CHP1: variants seen among roughly 807,000 people sequenced by gnomAD.
CHP1 encodes calcineurin B homologous protein 1.
In CHP1, 11 loss-of-function variants were observed where a neutral mutation model predicts 27.4. That is an observed-to-expected ratio of 0.40 (90% CI 0.25 to 0.67). The LOEUF is 0.67. Among genes scored for constraint, CHP1 ranks in the 30% least tolerant of loss-of-function variants. The pLI, the probability that CHP1 is intolerant of heterozygous loss-of-function variation, is 0.38. For synonymous variants in CHP1, 89 were observed against 87.4 expected (o/e 1.02, Z -0.10); for missense variants, 169 against 251.3 (o/e 0.67, Z 2.22).
chr15:41,263,466 T>G (rs576042228), intron 4 of CHP1, among the ~76,000 whole-genome samples: 6 of 152,326 alleles, frequency 3.9e-5, no homozygotes, highest in African/African-American at 1.4e-4. Context: ...TTGCCTTCCC[T>G]TCTGCCCTTA....
At chr15:41,253,075 ACT>A (rs2047378748) in intron 2 of CHP1, among the ~76,000 whole-genome samples, 1 of 151,360 alleles carries the variant, frequency 6.6e-6, no homozygotes, top group African/African-American at 2.4e-5. Context: ...AGTAGCTGGG[ACT>A]ACAGGCTCGC....
intron 5 of CHP1, among the ~76,000 whole-genome samples, chr15:41,273,508 T>C (rs2047501877): frequency 6.6e-6 from 1 of 151,916 alleles, no homozygotes; most frequent in Non-Finnish European, 1.5e-5. Context: ...CAGCCTCCAG[T>C]GTAGCTGGGA....
intron 4 of CHP1, among the ~76,000 whole-genome samples, chr15:41,267,564 A>G (rs371669283): frequency 6.6e-6 from 1 of 151,846 alleles, no homozygotes; most frequent in Non-Finnish European, 1.5e-5. Context: ...CAGGAGGCTG[A>G]GACAGGAAAA....
At chr15:41,235,812 C>T (rs2047273922) in intron 1 of CHP1, among the ~76,000 whole-genome samples, 1 of 152,168 alleles carries the variant, frequency 6.6e-6, no homozygotes, top group South Asian at 2.1e-4. Context: ...CTTCAGGTTT[C>T]TCGTGCCTCC....
chr15:41,231,359 C>A lies in CHP1; in HGVS notation c.-24C>A. On this transcript the variant is annotated 5_prime_UTR_variant, in exon 1 of 7. Transcript: ENST00000334660. ...CGCCGTCTCTTCTGGCGCCGCTGCT[C>A]CCGGAGGAGCTCCCGGCACGGCGAT... The A allele has an allele frequency of 6.3e-7, 1 of 1,586,440 alleles. No homozygotes were observed. Among genetic ancestry groups the A allele is most frequent in the Non-Finnish European group, 8.6e-7 (1 of 1,167,556 alleles).
chr15:41,264,278 AGAGTGC>A (rs2047449559), intron 4 of CHP1: 1 of 1,129,740 alleles, frequency 8.9e-7, no homozygotes, highest in South Asian at 1.4e-5. Flanking sequence ...TCAGGTCAGG[AGAGTGC>A]GAGTGCCGAG....
In CHP1 at chr15:41,236,222, A is replaced by T. The variant is rs772462233; in HGVS notation, c.67+4773A>T. Among the ~76,000 whole-genome samples, 9 of 151,308 alleles carry T rather than the reference A, an allele frequency of 5.9e-5. 1 individual carries two copies. The highest frequency in any genetic ancestry group is 1.2e-4 in the Non-Finnish European group (8 of 67,852). On this transcript the variant is annotated intron_variant, in intron 1 of 6. Coordinates refer to ENST00000334660, the MANE Select transcript of CHP1 (RefSeq NM_007236.5). ...GACTTTCAAAGTACTGGGATTATAG[A>T]TGTGAGCCACTGTGCCTGGCAACTA...
intron 2 of CHP1, among the ~76,000 whole-genome samples, chr15:41,253,876 C>A (rs562007824): frequency 1.4e-4 from 21 of 152,132 alleles, no homozygotes; most frequent in African/African-American, 5.1e-4. Context: ...CCTTGACCTT[C>A]TAGGCTCAAA....
chr15:41,275,259 GC>G (rs1253668311), intron 5 of CHP1, among the ~76,000 whole-genome samples: 1 of 151,908 alleles, frequency 6.6e-6, no homozygotes, highest in Admixed American at 6.6e-5. Context: ...CTGGGTTCAA[GC>G]GATTCTGCCT....
At chr15:41,274,305 G>A (rs182926183) in intron 5 of CHP1, among the ~76,000 whole-genome samples, 15 of 152,274 alleles carry the variant, frequency 9.9e-5, no homozygotes, top group African/African-American at 3.1e-4. Context: ...GACAGGTAGA[G>A]GGAGCACTGA....
At chr15:41,246,624 CTTTTTTTTTTTTT>C (rs561426550) in intron 2 of CHP1, among the ~76,000 whole-genome samples, 3 of 57,284 alleles carry the variant, frequency 5.2e-5, no homozygotes, top group African/African-American at 7.3e-5. Context: ...GGCCAAAAAG[CTTTTTTTTTTTTT>C]TTTTTTTTTT....
At chr15:41,271,254 CAAA>C (rs143070752) in intron 5 of CHP1, among the ~76,000 whole-genome samples, 27 of 75,698 alleles carry the variant, frequency 3.6e-4, no homozygotes, top group Non-Finnish European at 4.0e-4. Context: ...GATTCCGTCT[CAAA>C]AAAAAAAAAA....
chr15:41,267,627 A>C (rs1380908201), intron 4 of CHP1, among the ~76,000 whole-genome samples: 1 of 151,290 alleles, frequency 6.6e-6, no homozygotes, highest in African/African-American at 2.4e-5. Context: ...GCGCCACTGC[A>C]CTCCAGCCTG....
intron 1 of CHP1, among the ~76,000 whole-genome samples, chr15:41,233,610 G>C (rs151181621): frequency 3.5e-4 from 54 of 152,244 alleles, no homozygotes; most frequent in African/African-American, 1.3e-3. Context: ...ACTGTGCTAG[G>C]TACTCAGAGC....
intron 2 of CHP1, among the ~76,000 whole-genome samples, chr15:41,252,926 G>GTTTTTT (rs1567007144): frequency 9.2e-6 from 1 of 109,050 alleles, no homozygotes; most frequent in African/African-American, 3.4e-5. Flanking sequence ...TATTTCACAT[G>GTTTTTT]GTTTTTTTTT....
Position 41,279,528 on chromosome 15 carries a change from T to C in CHP1, c.*139T>C. 1.5e-6 allele frequency: 1 copy of C among 683,892 alleles called. No homozygotes were observed. The highest frequency in any genetic ancestry group is 2.6e-6 in the Non-Finnish European group (1 of 385,316). 42.4% of individuals were successfully genotyped at this position (683,892 alleles called of 1,614,324 possible). On this transcript the variant is annotated 3_prime_UTR_variant, in exon 7 of 7. Transcript: ENST00000334660. The stretch of plus-strand genomic sequence containing the variant: ...TGTTGCATGACAACCCCAAATATGT[T>C]CTGTCAACACAAACCTGCCTTTGGT...
At position 41,278,842 on chromosome 15, in the gene CHP1, G is replaced by A; in HGVS notation, c.487G>A (p.Ala163Thr). 6.2e-7 allele frequency: 1 copy of A among 1,614,178 alleles called. No homozygotes were observed. Among genetic ancestry groups the A allele is most frequent in the Non-Finnish European group, 8.5e-7 (1 of 1,180,040 alleles). The change falls in exon 6 of 7, where the codon GCT (alanine) becomes ACT (threonine). Residue 163 changes from alanine (A) to threonine (T), a missense_variant. Ala to Thr is a moderately conservative substitution (Grantham distance 58). Transcript: ENST00000334660. The part of the protein sequence containing the change: ...GSIADRTIQE[A>T]DQDGDSAISF... ...CATCGCAGACAGGACCATTCAGGAG[G>A]CTGATCAGGATGGGGACAGTGCCAT...
chr15:41,267,732 C>T (rs556304506), intron 4 of CHP1, among the ~76,000 whole-genome samples: 2 of 147,266 alleles, frequency 1.4e-5, no homozygotes, highest in East Asian at 4.1e-4. Context: ...GCCTGGGCAA[C>T]AGAGCCTGGG....
intron 2 of CHP1, among the ~76,000 whole-genome samples, chr15:41,247,976 AAAATAAATAAATAAAAT>A (rs1025051512): frequency 1.1e-4 from 15 of 141,842 alleles, no homozygotes; most frequent in Admixed American, 3.5e-4. Flanking sequence ...CTCAAATAAA[AAAATAAATAAATAAAAT>A]AAATAAATAA....
Sources: allele counts gnomAD v4.1 joint callset (sites outside exome capture counted in the v4.1 genomes callset), GRCh38; gene constraint gnomAD v4.1.1; transcripts MANE v1.5; gene names NCBI Gene and HGNC (gene_info 2026-07-23, HGNC 2026-07-21).